MAP4K4: variants seen among roughly 807,000 people sequenced by gnomAD.
The protein encoded by MAP4K4 is mitogen-activated protein kinase kinase kinase kinase 4.
Under a neutral mutation model 189.6 loss-of-function variants are expected in MAP4K4, and 38 were observed. That is an observed-to-expected ratio of 0.20 (90% CI 0.15 to 0.26). The LOEUF is 0.26. Among genes scored for constraint, MAP4K4 ranks in the 10% least tolerant of loss-of-function variants. MAP4K4 has a pLI of 1.00. For missense variants in MAP4K4, 1,054 were observed against 1,726.9 expected (o/e 0.61, Z 6.91); for synonymous variants, 610 against 624.3 (o/e 0.98, Z 0.34).
At chr2:101,891,006 G>C (rs1048953592) in intron 32 of MAP4K4, among the ~76,000 whole-genome samples, 160 bp from the exon 33 acceptor site, 3 of 152,172 alleles carry the variant, frequency 2.0e-5, no homozygotes, top group Non-Finnish European at 4.4e-5. Flanking sequence ...TTACAGGTGT[G>C]AGCCACTGCA....
chr2:101,845,940 A>G (rs1448371313), intron 12 of MAP4K4, among the ~76,000 whole-genome samples: 2 of 152,222 alleles, frequency 1.3e-5, no homozygotes, highest in Non-Finnish European at 2.9e-5. Context: ...CATGCTATTA[A>G]ATATTATCCT....
At chr2:101,725,424 A>C (rs886895040) in intron 2 of MAP4K4, among the ~76,000 whole-genome samples, 1 of 151,994 alleles carries the variant, frequency 6.6e-6, no homozygotes, top group Non-Finnish European at 1.5e-5. Flanking sequence ...AAACCAAAAA[A>C]CAAAACATAT....
rs2095537370 is a variant in MAP4K4, at chr2:101,813,239, C to T, written c.181-10689C>T. Among the ~76,000 whole-genome samples, 3 of 152,158 alleles carry T rather than the reference C, an allele frequency of 2.0e-5. No individual in the cohort carries two copies. In the South Asian group the frequency reaches 6.2e-4, roughly 32 times the overall value. On this transcript the variant is annotated intron_variant, in intron 3 of 32. Coordinates refer to ENST00000324219, the Ensembl canonical transcript of MAP4K4. ...CTGTATATAATAAAATTTGTATTTT[C>T]AACAATAATCTTTTAAAATTACATT... is the stretch of plus-strand genomic sequence containing the variant.
At chr2:101,790,869 G>A (rs1172440671) in intron 3 of MAP4K4, 93 bp downstream of exon 3, 2 of 1,122,564 alleles carry the variant, frequency 1.8e-6, no homozygotes, top group Non-Finnish European at 2.6e-6. Flanking sequence ...TGGAAAATCT[G>A]ATTACTTGAA....
At chr2:101,751,786 G>C (rs1037402500) in intron 2 of MAP4K4, among the ~76,000 whole-genome samples, 2 of 152,156 alleles carry the variant, frequency 1.3e-5, no homozygotes, top group African/African-American at 2.4e-5. Context: ...GGGTAGACTG[G>C]GCATTCTATC....
chr2:101,811,414 GC>G (rs1459674563), intron 3 of MAP4K4, among the ~76,000 whole-genome samples: 1 of 144,526 alleles, frequency 6.9e-6, no homozygotes, highest in African/African-American at 2.5e-5. Context: ...AGTTTTGCTG[GC>G]CTGTGGCTTC....
chr2:101,699,986 G>C (rs1407416959), intron 2 of MAP4K4, among the ~76,000 whole-genome samples: 1 of 152,186 alleles, frequency 6.6e-6, no homozygotes, highest in Non-Finnish European at 1.5e-5. Flanking sequence ...TCCCCGGTCT[G>C]TTGTTTGTTT....
intron 2 of MAP4K4, among the ~76,000 whole-genome samples, chr2:101,720,730 T>G (rs1463904896): frequency 6.6e-6 from 1 of 152,230 alleles, no homozygotes; most frequent in Non-Finnish European, 1.5e-5. Flanking sequence ...AGATTGTGCT[T>G]TCTGAAAATT....
At chr2:101,743,481 C>T (rs925324839) in intron 2 of MAP4K4, among the ~76,000 whole-genome samples, 4 of 152,088 alleles carry the variant, frequency 2.6e-5, no homozygotes, top group Non-Finnish European at 5.9e-5. Flanking sequence ...AGTGTGTTGT[C>T]TGTTCCCTAT....
intron 3 of MAP4K4, among the ~76,000 whole-genome samples, chr2:101,820,431 C>T (rs1367793908): frequency 6.6e-6 from 1 of 152,124 alleles, no homozygotes; most frequent in Non-Finnish European, 1.5e-5. Flanking sequence ...TGATTTTCCC[C>T]TATTCATTGT....
chr2:101,818,024 G>T (rs2095825917), intron 3 of MAP4K4, among the ~76,000 whole-genome samples: 1 of 152,100 alleles, frequency 6.6e-6, no homozygotes, highest in African/African-American at 2.4e-5. Flanking sequence ...GTGAATTTAA[G>T]TTGTAATGTG....
At chr2:101,867,552 G>GC (rs2097852795) in intron 20 of MAP4K4, 1 of 461,188 alleles carries the variant, frequency 2.2e-6, no homozygotes, top group African/African-American at 1.9e-5. Flanking sequence ...TACACTTGGT[G>GC]TACAGTCAGC....
At chr2:101,887,382 C>A in intron 30 of MAP4K4, 145 bp downstream of exon 30, 1 of 751,160 alleles carries the variant, frequency 1.3e-6, no homozygotes, top group Non-Finnish European at 2.1e-6. Context: ...ACGCAATTTT[C>A]AATAGCTCCA....
intron 2 of MAP4K4, among the ~76,000 whole-genome samples, chr2:101,703,814 C>T: frequency 6.6e-6 from 1 of 151,764 alleles, no homozygotes; most frequent in East Asian, 1.9e-4. Flanking sequence ...GAGTTCAAGA[C>T]CAGCCTGTCA....
At chr2:101,869,405 T>A (rs2097915675) in intron 21 of MAP4K4, among the ~76,000 whole-genome samples, 1 of 151,872 alleles carries the variant, frequency 6.6e-6, no homozygotes, top group Non-Finnish European at 1.5e-5. Flanking sequence ...TCTTTGACTT[T>A]TTTTTGGTGT....
intron 2 of MAP4K4, among the ~76,000 whole-genome samples, chr2:101,772,808 T>G (rs1320439414): frequency 6.6e-6 from 1 of 152,190 alleles, no homozygotes; most frequent in Non-Finnish European, 1.5e-5. Context: ...CTCACACACA[T>G]GAGGATGTCA....
chr2:101,890,237 GT>G (rs920326648), intron 32 of MAP4K4, among the ~76,000 whole-genome samples: 37 of 152,292 alleles, frequency 2.4e-4, no homozygotes, highest in African/African-American at 8.2e-4. Flanking sequence ...TGCTCATTGT[GT>G]TTTTTAAAGA....
chr2:101,845,565 T>C (rs1413799817), intron 12 of MAP4K4, among the ~76,000 whole-genome samples: 1 of 152,198 alleles, frequency 6.6e-6, no homozygotes, highest in African/African-American at 2.4e-5. Flanking sequence ...GTACAGCATG[T>C]TACTGTGCCT....
intron 19 of MAP4K4, 65 bp from the exon 20 acceptor site, chr2:101,867,147 G>A: frequency 9.4e-7 from 1 of 1,068,680 alleles, no homozygotes. Context: ...GGGCAGGGCA[G>A]CTTCATAATA....
Sources: allele counts gnomAD v4.1 joint callset (sites outside exome capture counted in the v4.1 genomes callset), GRCh38; gene constraint gnomAD v4.1.1; transcripts MANE v1.5; gene names NCBI Gene and HGNC (gene_info 2026-07-23, HGNC 2026-07-21).